TENM3: variants seen among roughly 807,000 people sequenced by gnomAD.
TENM3 encodes teneurin-3.
A neutral mutation model predicts 255.1 loss-of-function variants in TENM3; 63 were observed. That is an observed-to-expected ratio of 0.25 (90% confidence interval 0.20 to 0.30). The LOEUF (loss-of-function observed/expected upper bound fraction) is 0.30, where lower values mean the gene tolerates loss of function less well. Ranked by LOEUF, TENM3 falls within the 10% of genes least tolerant of loss-of-function variation. The probability of loss-of-function intolerance (pLI) is 1.00; values close to 1 mark genes in which losing one functional copy is unlikely to be tolerated. For synonymous variants in TENM3, 1,306 were observed against 1,322.3 expected (o/e 0.99, Z 0.27); for missense variants, 2,929 against 3,461.1 (o/e 0.85, Z 3.86).
chr4:181,962,437 T>C, the TENM3 span, among the ~76,000 whole-genome samples: 3 of 152,180 alleles, frequency 2.0e-5, no homozygotes, highest in Admixed American at 6.5e-5. Flanking sequence ...AACCCATTGG[T>C]GGTAGCAGTT....
chr4:182,098,968 T>TC, the TENM3 span, among the ~76,000 whole-genome samples: 1 of 139,926 alleles, frequency 7.1e-6, no homozygotes, highest in Admixed American at 7.0e-5. Flanking sequence ...TTTTTCTTTT[T>TC]TTTTTTTTTT....
chr4:181,568,266 T>C, the TENM3 span, among the ~76,000 whole-genome samples: 1 of 151,394 alleles, frequency 6.6e-6, no homozygotes, highest in African/African-American at 2.4e-5. Flanking sequence ...TGGGTTCAAG[T>C]GATTCTCCTG....
intron 18 of TENM3, among the ~76,000 whole-genome samples, chr4:182,738,814 G>A (rs1176469176): frequency 6.6e-6 from 1 of 152,138 alleles, no homozygotes; most frequent in Non-Finnish European, 1.5e-5. Flanking sequence ...ACTGACTTTG[G>A]TGTTGTAATG....
intron 3 of TENM3, among the ~76,000 whole-genome samples, chr4:182,476,626 C>A (rs1314780044): frequency 6.6e-6 from 1 of 152,036 alleles, no homozygotes; most frequent in Non-Finnish European, 1.5e-5. Flanking sequence ...GTTTTTATTG[C>A]TGTAATTCTC....
At chr4:182,387,300 G>A (rs1023368881) in intron 3 of TENM3, among the ~76,000 whole-genome samples, 1 of 152,212 alleles carries the variant, frequency 6.6e-6, no homozygotes, top group Non-Finnish European at 1.5e-5. Context: ...TAGCTGCTCT[G>A]GTGGGGCCTT....
chr4:181,601,715 C>A, the TENM3 span, among the ~76,000 whole-genome samples: 1 of 152,080 alleles, frequency 6.6e-6, no homozygotes, highest in Non-Finnish European at 1.5e-5. Flanking sequence ...TACATTTTGG[C>A]CCCGTCACGT....
the TENM3 span, among the ~76,000 whole-genome samples, chr4:182,023,913 G>A: frequency 2.6e-5 from 4 of 152,302 alleles, no homozygotes; most frequent in South Asian, 4.1e-4. Flanking sequence ...ACCCATGGAA[G>A]TCATGTAGTT....
the TENM3 span, among the ~76,000 whole-genome samples, chr4:181,696,975 C>T: frequency 6.6e-6 from 1 of 152,216 alleles, no homozygotes; most frequent in Non-Finnish European, 1.5e-5. Flanking sequence ...GTTTCAGAAG[C>T]CAGATTTCAT....
intron 2 of TENM3, among the ~76,000 whole-genome samples, chr4:182,325,837 T>C (rs1763362788): frequency 6.6e-6 from 1 of 151,904 alleles, no homozygotes; most frequent in African/African-American, 2.4e-5. Context: ...GCACTGGGGG[T>C]CATCTCCACC....
intron 3 of TENM3, among the ~76,000 whole-genome samples, chr4:182,367,138 C>T (rs6833630): frequency 0.99 from 151,391 of 152,272 alleles, 75,264 homozygotes; most frequent in East Asian, 1. Context: ...ACAGAATTTA[C>T]AGGTTGAGCA....
chr4:181,605,560 A>AAGAT, the TENM3 span, among the ~76,000 whole-genome samples: 10 of 26,804 alleles, frequency 3.7e-4, 1 homozygote, highest in African/African-American at 7.5e-4. Flanking sequence ...GAAAGAAAGA[A>AAGAT]AGAAAGAAAG....
rs141154964 is a variant in TENM3, at chr4:182,615,367, C to G, written c.750-13284C>G. ...TCTCTCTGCGAAGAAATTAATGAAG[C>G]ATTTTGGGAAGTTGTAAATGCCCAA... On this transcript the variant is annotated intron_variant, in intron 4 of 27. Coordinates refer to ENST00000511685, the MANE Select transcript of TENM3 (RefSeq NM_001080477.4). 1.5e-3 allele frequency among the ~76,000 whole-genome samples: 226 copies of G among 152,088 alleles called. 1 individual carries two copies. Among genetic ancestry groups the G allele is most frequent in the Non-Finnish European group, 1.9e-3 (129 of 68,008 alleles).
At chr4:181,579,944 ATTTTATTTTATTTTATTTTAT>A in the TENM3 span, among the ~76,000 whole-genome samples, 1 of 18,128 alleles carries the variant, frequency 5.5e-5, no homozygotes, top group African/African-American at 2.4e-4. Context: ...ATTTTATTTT[ATTTTATTTTATTTTATTTTAT>A]TTTATTTTAT....
chr4:181,957,164 T>C, the TENM3 span, among the ~76,000 whole-genome samples: 1 of 152,198 alleles, frequency 6.6e-6, no homozygotes, highest in Non-Finnish European at 1.5e-5. Flanking sequence ...TGCTCTAATG[T>C]AAATCCATGT....
At chr4:182,091,289 C>G in the TENM3 span, among the ~76,000 whole-genome samples, 5 of 152,124 alleles carry the variant, frequency 3.3e-5, no homozygotes, top group Non-Finnish European at 5.9e-5. Flanking sequence ...ATCCAATCAA[C>G]AAAAAGTATA....
chr4:182,646,231 A>T (rs1246467807), intron 5 of TENM3, among the ~76,000 whole-genome samples: 1 of 152,204 alleles, frequency 6.6e-6, no homozygotes, highest in East Asian at 1.9e-4. Flanking sequence ...AGTAACTCCA[A>T]TATATGTCCA....
At chr4:182,240,854 AG>A (rs1409873517), upstream of TENM3, among the ~76,000 whole-genome samples, 4 of 152,186 alleles carry the variant, frequency 2.6e-5, no homozygotes, top group Non-Finnish European at 5.9e-5. Flanking sequence ...ACTGTATTAC[AG>A]GGCTTTGAGA....
intron 3 of TENM3, among the ~76,000 whole-genome samples, chr4:182,524,452 C>T (rs975404770): frequency 6.0e-5 from 9 of 148,848 alleles, no homozygotes; most frequent in Non-Finnish European, 8.9e-5. Flanking sequence ...TCCACCACCT[C>T]CCAGGCTCAA....
the TENM3 span, among the ~76,000 whole-genome samples, chr4:181,603,376 T>A: frequency 2.6e-5 from 4 of 152,170 alleles, no homozygotes; most frequent in Non-Finnish European, 4.4e-5. Context: ...CCCGAAAGCA[T>A]GATTTATATA....
Sources: allele counts gnomAD v4.1 joint callset (sites outside exome capture counted in the v4.1 genomes callset), GRCh38; gene constraint gnomAD v4.1.1; transcripts MANE v1.5; gene names NCBI Gene and HGNC (gene_info 2026-07-23, HGNC 2026-07-21).